The following PRR5L variants were observed in gnomAD, a reference collection of about 807,000 sequenced individuals.
PRR5L encodes the protein proline-rich protein 5-like.
PRR5L carries 21 observed loss-of-function variants against 36.4 expected under a neutral mutation model. The ratio of observed to expected loss-of-function variants is 0.58; its 90% confidence interval spans 0.41 to 0.83. The LOEUF is 0.83. Among genes scored for constraint, PRR5L ranks in the 40% least tolerant of loss-of-function variants. PRR5L has a pLI of 0.00. For missense variants in PRR5L, 381 were observed against 473.3 expected (o/e 0.80, Z 1.81); for synonymous variants, 188 against 197.0 (o/e 0.95, Z 0.38).
chr11:36,379,890 C>T (rs1045112047), intron 1 of PRR5L, among the ~76,000 whole-genome samples: 3 of 152,144 alleles, frequency 2.0e-5, no homozygotes, highest in South Asian at 2.1e-4. Context: ...ATGGTATTTG[C>T]GCCTCCCAAC....
At chr11:36,403,024 G>A (rs538006313) in intron 2 of PRR5L, among the ~76,000 whole-genome samples, 1 of 152,380 alleles carries the variant, frequency 6.6e-6, no homozygotes, top group African/African-American at 2.4e-5. Context: ...CCCACTGGCT[G>A]CCTTTGACTG....
At chr11:36,371,041 C>T (rs1399969401) in intron 1 of PRR5L, among the ~76,000 whole-genome samples, 1 of 152,114 alleles carries the variant, frequency 6.6e-6, no homozygotes, top group Non-Finnish European at 1.5e-5. Context: ...CTACGAGCCA[C>T]TTTAGAATGG....
rs148175973 is a variant in PRR5L, at chr11:36,326,484, A to G, written c.-126+30046A>G. 6.4e-3 allele frequency among the ~76,000 whole-genome samples: 978 copies of G among 152,144 alleles called. 14 individuals carry two copies. The highest frequency in any genetic ancestry group is 0.022 in the African/African-American group (925 of 41,370). On this transcript the variant is annotated intron_variant, in intron 1 of 8. Coordinates refer to ENST00000530639, the MANE Select transcript of PRR5L (RefSeq NM_001160167.2). ...TAGCACTTGGTTTATTGGAATCAAG[A>G]TCCAAACCAAAATTACATTTGATTG... is the stretch of plus-strand genomic sequence containing the variant.
chr11:36,301,547 G>C (rs966480818), intron 1 of PRR5L, among the ~76,000 whole-genome samples: 2 of 152,092 alleles, frequency 1.3e-5, no homozygotes, highest in Non-Finnish European at 1.5e-5. Flanking sequence ...TGCCATGATG[G>C]GTCAGTGTGT....
rs573332570 is a variant in PRR5L at position 36,365,126 on chromosome 11, A to G, written c.-125-35871A>G. On this transcript the variant is annotated intron_variant, in intron 1 of 8. Transcript: ENST00000530639. The stretch of plus-strand genomic sequence containing the variant: ...CTGATTTCCTATCAAACGTCCTTAG[A>G]TCATATCTGTTAGGTCTCATCATCC... Among the ~76,000 whole-genome samples, 5 of 152,286 alleles carry G rather than the reference A, an allele frequency of 3.3e-5. No homozygotes were observed. The East Asian group carries it at 9.7e-4, about 29-fold the overall frequency.
chr11:36,407,230 C>A (rs1296735990), intron 3 of PRR5L, among the ~76,000 whole-genome samples: 3 of 152,184 alleles, frequency 2.0e-5, no homozygotes, highest in Admixed American at 6.5e-5. Flanking sequence ...ATGCTCCCAC[C>A]TGTAATCCCA....
intron 4 of PRR5L, among the ~76,000 whole-genome samples, chr11:36,422,852 A>T (rs1858298876): frequency 6.6e-6 from 1 of 152,138 alleles, no homozygotes; most frequent in Non-Finnish European, 1.5e-5. Context: ...TCCGGAAGGA[A>T]AATTGGGGTT....
chr11:36,355,715 AT>A (rs1033743144), intron 1 of PRR5L, among the ~76,000 whole-genome samples: 7 of 151,060 alleles, frequency 4.6e-5, no homozygotes, highest in Admixed American at 1.3e-4. Flanking sequence ...ATGCCCAGCT[AT>A]TTTTTTTAAT....
At chr11:36,448,478 C>A (rs2080274364) in intron 7 of PRR5L, among the ~76,000 whole-genome samples, 2 of 152,184 alleles carry the variant, frequency 1.3e-5, no homozygotes, top group Admixed American at 1.3e-4. Context: ...TCCTCCTGCT[C>A]AGAACACTTT....
chr11:36,427,303 T>G (rs1481205491), intron 4 of PRR5L, among the ~76,000 whole-genome samples: 2 of 152,152 alleles, frequency 1.3e-5, no homozygotes, highest in Non-Finnish European at 2.9e-5. Context: ...GAGGATGCAT[T>G]AAGTAACAAT....
At chr11:36,441,627 C>T (rs1858724594) in intron 6 of PRR5L, among the ~76,000 whole-genome samples, 1 of 152,200 alleles carries the variant, frequency 6.6e-6, no homozygotes, top group African/African-American at 2.4e-5. Flanking sequence ...GGGCAAGAAC[C>T]CCCTTCCCAC....
At chr11:36,418,001 G>T (rs530309344) in intron 3 of PRR5L, among the ~76,000 whole-genome samples, 2 of 152,182 alleles carry the variant, frequency 1.3e-5, no homozygotes, top group Admixed American at 1.3e-4. Context: ...TCCATTATTT[G>T]TCACAGGGAA....
At chr11:36,330,596 A>G (rs1327656749) in intron 1 of PRR5L, among the ~76,000 whole-genome samples, 2 of 152,198 alleles carry the variant, frequency 1.3e-5, no homozygotes, top group African/African-American at 2.4e-5. Context: ...TCAAGGAGTC[A>G]TTAGAGTAAA....
chr11:36,439,762 AG>A (rs1304929258), intron 6 of PRR5L, among the ~76,000 whole-genome samples: 7 of 152,206 alleles, frequency 4.6e-5, no homozygotes, highest in Admixed American at 2.6e-4. Flanking sequence ...CAGCTGATCC[AG>A]GTTCACATAT....
chr11:36,400,042 C>T (rs551410090), intron 1 of PRR5L, among the ~76,000 whole-genome samples: 6 of 152,332 alleles, frequency 3.9e-5, no homozygotes, highest in South Asian at 2.1e-4. Flanking sequence ...TGCCTTTAAC[C>T]GCGAAGCCAT....
intron 3 of PRR5L, among the ~76,000 whole-genome samples, chr11:36,404,532 C>T (rs1222153181): frequency 6.6e-6 from 1 of 152,100 alleles, no homozygotes; most frequent in Non-Finnish European, 1.5e-5. Flanking sequence ...TCCCAAAGTG[C>T]TGGGATTACA....
At chr11:36,430,297 A>G (rs755520307) in intron 4 of PRR5L, among the ~76,000 whole-genome samples, 1 of 152,110 alleles carries the variant, frequency 6.6e-6, no homozygotes, top group Non-Finnish European at 1.5e-5. Flanking sequence ...CTGTAATCCC[A>G]TCTACACAGG....
chr11:36,372,987 T>TGG (rs889914901), intron 1 of PRR5L, among the ~76,000 whole-genome samples: 1 of 151,400 alleles, frequency 6.6e-6, no homozygotes, highest in African/African-American at 2.4e-5. Context: ...TGTGTGTGTG[T>TGG]GTGTGTGTGT....
chr11:36,390,501 C>T (rs1036933170), intron 1 of PRR5L, among the ~76,000 whole-genome samples: 10 of 152,154 alleles, frequency 6.6e-5, no homozygotes, highest in African/African-American at 4.8e-5. Flanking sequence ...CTAGTTCCAG[C>T]ATCGTTTCTC....
Sources: allele counts gnomAD v4.1 joint callset (sites outside exome capture counted in the v4.1 genomes callset), GRCh38; gene constraint gnomAD v4.1.1; transcripts MANE v1.5; gene names NCBI Gene and HGNC (gene_info 2026-07-23, HGNC 2026-07-21).